The following DPY19L1 variants were observed in gnomAD, a reference collection of about 807,000 sequenced individuals.
DPY19L1 encodes dpy-19 like C-mannosyltransferase 1.
DPY19L1 carries 35 observed loss-of-function variants against 96.9 expected under a neutral mutation model. The observed-to-expected ratio is 0.36, with a 90% CI of 0.28 to 0.48. DPY19L1 has a LOEUF of 0.48. DPY19L1 is among the 20% of genes least tolerant of loss of function. The pLI, the probability that DPY19L1 is intolerant of heterozygous loss-of-function variation, is 0.99. For missense variants in DPY19L1, 521 were observed against 777.9 expected (o/e 0.67, Z 3.93); for synonymous variants, 205 against 252.6 (o/e 0.81, Z 1.79).
chr7:34,995,467 T>C lies in DPY19L1; in HGVS notation c.765-5526A>G, dbSNP rs1175804345. On this transcript the variant is annotated intron_variant, in intron 6 of 21. Transcript: ENST00000638088. ...CACCTAAACCTTGATTTTTCTTAGA[T>C]ATAAAATGAAGGGATAATAAAAAAT... is the stretch of plus-strand genomic sequence containing the variant. Among the ~76,000 whole-genome samples the C allele has an allele frequency of 7.1e-4, 108 of 152,306 alleles. 1 individual carries two copies. Among genetic ancestry groups the C allele is most frequent in the Non-Finnish European group, 3.5e-4 (24 of 68,024 alleles).
At chr7:34,956,514 T>G (rs1784383124) in intron 11 of DPY19L1, among the ~76,000 whole-genome samples, 1 of 152,028 alleles carries the variant, frequency 6.6e-6, no homozygotes, top group South Asian at 2.1e-4. Context: ...TGGGTATTTT[T>G]TTTTTTTTTT....
chr7:35,002,937 T>G (rs528672202), intron 6 of DPY19L1, among the ~76,000 whole-genome samples: 9 of 152,044 alleles, frequency 5.9e-5, no homozygotes, highest in Non-Finnish European at 1.2e-4. Context: ...CTTGGCTAAT[T>G]TTTTTGTATT....
chr7:35,020,053 A>G (rs1432337917), intron 1 of DPY19L1, among the ~76,000 whole-genome samples: 1 of 152,140 alleles, frequency 6.6e-6, no homozygotes, highest in Non-Finnish European at 1.5e-5. Context: ...GGATCGCTTG[A>G]GTCCAAGAGG....
chr7:34,979,206 C>T (rs1331969572), intron 7 of DPY19L1, among the ~76,000 whole-genome samples: 2 of 152,064 alleles, frequency 1.3e-5, no homozygotes, highest in African/African-American at 2.4e-5. Flanking sequence ...TGCAATGACT[C>T]GAACTTGACC....
intron 7 of DPY19L1, among the ~76,000 whole-genome samples, chr7:34,987,376 G>A (rs1475433792): frequency 1.3e-5 from 2 of 151,852 alleles, no homozygotes; most frequent in Non-Finnish European, 2.9e-5. Context: ...TTTTAAATGT[G>A]TTTTAAATAA....
chr7:35,037,814 A>G (rs1197928000), upstream of DPY19L1: 6 of 1,225,680 alleles, frequency 4.9e-6, no homozygotes, highest in Non-Finnish European at 6.1e-6. Flanking sequence ...CCGGCTACCC[A>G]CACCTCTTCG....
chr7:34,958,437 T>C (rs1784424316), intron 10 of DPY19L1, among the ~76,000 whole-genome samples: 1 of 152,352 alleles, frequency 6.6e-6, no homozygotes, highest in Non-Finnish European at 1.5e-5. Context: ...AAGTATTCTA[T>C]TCTATAGATG....
At chr7:34,948,159 C>A (rs1230650443) in intron 14 of DPY19L1, among the ~76,000 whole-genome samples, 1 of 146,150 alleles carries the variant, frequency 6.8e-6, no homozygotes, top group Non-Finnish European at 1.5e-5. Flanking sequence ...TTTACATTTT[C>A]TTTAGTAGCA....
rs1785915631 is a variant in DPY19L1, at chr7:35,018,599, G to GTTT, written c.299-4_299-3insAAA. 23 of 1,608,336 alleles carry GTTT rather than the reference G, an allele frequency of 1.4e-5. No individual in the cohort carries two copies. Reference sequence around the variant, plus strand: ...GTGCAACACTGCTGCAAAAACAGCTGTAAGAAAAAAGAAATTTAAATTAGA... The same window carrying GTTT: ...GTGCAACACTGCTGCAAAAACAGCTGTTTTAAGAAAAAAGAAATTTAAATTAGA... On this transcript the variant is annotated splice_region_variant and splice_polypyrimidine_tract_variant and intron_variant, in intron 1 of 21. Coordinates refer to ENST00000638088, the MANE Select transcript of DPY19L1 (RefSeq NM_001366673.1).
At chr7:34,932,687 T>C (rs1487450823) in intron 21 of DPY19L1, among the ~76,000 whole-genome samples, 1 of 152,206 alleles carries the variant, frequency 6.6e-6, no homozygotes, top group Non-Finnish European at 1.5e-5. Flanking sequence ...CATATGACAT[T>C]TGCCTAAATA....
chr7:34,959,054 G>GA (rs763351543), intron 10 of DPY19L1, among the ~76,000 whole-genome samples: 1 of 151,800 alleles, frequency 6.6e-6, no homozygotes, highest in Non-Finnish European at 1.5e-5. Context: ...GTGGGTGAAG[G>GA]ATATGAACAG....
rs117643193 is a variant in DPY19L1, at chr7:35,009,837, T to C, written c.764+631A>G. ...ATCTCAGCACACACACGTATACACG[T>C]ACATACAGCAAATGGAATATACTGT... On this transcript the variant is annotated intron_variant, in intron 6 of 21. Transcript: ENST00000638088. 5.8e-3 allele frequency among the ~76,000 whole-genome samples: 887 copies of C among 152,312 alleles called. 7 individuals are homozygous for C. Among genetic ancestry groups the C allele is most frequent in the Middle Eastern group, 0.014 (4 of 294 alleles).
intron 7 of DPY19L1, chr7:34,988,189 A>AG (rs1199774986): frequency 6.6e-6 from 1 of 152,168 alleles, no homozygotes; most frequent in Non-Finnish European, 1.5e-5. Context: ...GTATACACTG[A>AG]GGGTAGCACG....
rs1449232485 is a variant in DPY19L1, at chr7:35,010,503, C to CATT, written c.726_728dup (p.Leu242_Met243insIle). The CATT allele has an allele frequency of 6.2e-7, 1 of 1,607,264 alleles. No individual in the cohort carries two copies. Among genetic ancestry groups the CATT allele is most frequent in the Non-Finnish European group, 8.5e-7 (1 of 1,175,522 alleles). On this transcript the variant is annotated inframe_insertion, in exon 6 of 22. Coordinates refer to ENST00000638088, the MANE Select transcript of DPY19L1 (RefSeq NM_001366673.1). ...TGCCATATATGAAGAATAATGCCAT[C>CATT]ATTAGTCCATTTAAAATAAAAATTA...
At chr7:34,971,066 A>G (rs1784716064) in intron 8 of DPY19L1, among the ~76,000 whole-genome samples, 1 of 152,148 alleles carries the variant, frequency 6.6e-6, no homozygotes, top group Admixed American at 6.5e-5. Context: ...AGCCTGCATC[A>G]ACACTGCTCA....
intron 6 of DPY19L1, among the ~76,000 whole-genome samples, chr7:34,990,639 C>A (rs1343707524): frequency 6.6e-6 from 1 of 152,182 alleles, no homozygotes; most frequent in Non-Finnish European, 1.5e-5. Flanking sequence ...GTAGTTCTAA[C>A]AATTAACCTT....
In DPY19L1 at chr7:35,037,212, C is replaced by A; in HGVS notation, c.183G>T (p.Glu61Asp). 6.6e-6 allele frequency: 1 copy of A among 151,282 alleles called. No homozygotes were observed. Among genetic ancestry groups the A allele is most frequent in the South Asian group, 2.0e-4 (1 of 4,880 alleles). The allele number at this position is 151,282 out of a possible 1,614,324, so 9.4% of individuals were successfully genotyped here. A position where few individuals can be genotyped will look rare whatever the true frequency, so the allele number is the denominator to read the frequency against. ...CGCCCCCGGCGGGCGGCGCGCCGGG[C>A]TCGGCGCGGGGCCCCTTCCTGCCCG... ...GAAGRKGPRA[E>D]PGAPPAGGGL... The change falls in exon 1 of 22, where the codon GAG becomes GAT. Residue 61 changes from glutamate (E) to aspartate (D), a missense_variant. By Grantham distance (45) the Glu-to-Asp change is conservative (BLOSUM62 2). Coordinates refer to ENST00000638088, the MANE Select transcript of DPY19L1 (RefSeq NM_001366673.1).
upstream of DPY19L1, chr7:35,037,934 G>C (rs1233347572): frequency 1.6e-6 from 2 of 1,225,206 alleles, no homozygotes; most frequent in Admixed American, 8.5e-5. Flanking sequence ...GCCCTCTCGG[G>C]ATCGGGGCGC....
At chr7:35,002,529 T>G (rs1785452643) in intron 6 of DPY19L1, among the ~76,000 whole-genome samples, 4 of 151,756 alleles carry the variant, frequency 2.6e-5, no homozygotes, top group Admixed American at 2.6e-4. Flanking sequence ...AAGAAATAAT[T>G]CAAGAAAATT....
Sources: allele counts gnomAD v4.1 joint callset (sites outside exome capture counted in the v4.1 genomes callset), GRCh38; gene constraint gnomAD v4.1.1; transcripts MANE v1.5; gene names NCBI Gene and HGNC (gene_info 2026-07-23, HGNC 2026-07-21).